Variants in CA10 observed in about 807,000 individuals in gnomAD.
CA10 encodes the protein carbonic anhydrase 10 (inactive).
In CA10, 14 loss-of-function variants were observed where a neutral mutation model predicts 44.2. The ratio of observed to expected loss-of-function variants is 0.32; its 90% CI spans 0.21 to 0.50. The LOEUF (loss-of-function observed/expected upper bound fraction) is 0.50. CA10 is among the 20% of genes least tolerant of loss of function. The probability of loss-of-function intolerance (pLI) is 0.99; values close to 1 mark genes in which losing one functional copy is unlikely to be tolerated. For missense variants in CA10, 350 were observed against 409.7 expected, an observed-to-expected ratio of 0.85 and a Z score of 1.26; for synonymous variants, 159 against 141.6, an observed-to-expected ratio of 1.12 and a Z score of -0.87.
intron 2 of CA10, among the ~76,000 whole-genome samples, chr17:52,044,866 C>A (rs936405736): frequency 6.0e-5 from 9 of 150,946 alleles, no homozygotes. Context: ...TAACTAGAAT[C>A]CCAGAAGGAA....
chr17:51,644,064 AATTCCCAATCCTCTTGGCGAGAT>A (rs1913216692), intron 6 of CA10, among the ~76,000 whole-genome samples: 1 of 152,108 alleles, frequency 6.6e-6, no homozygotes, highest in Non-Finnish European at 1.5e-5. Flanking sequence ...TAGCCTCCAA[AATTCCCAATCCTCTTGGCGAGAT>A]TCTCCCTCTT....
At chr17:51,827,497 C>A (rs1459323251) in intron 3 of CA10, among the ~76,000 whole-genome samples, 2 of 152,160 alleles carry the variant, frequency 1.3e-5, no homozygotes, top group Non-Finnish European at 2.9e-5. Context: ...AGCTTTCTTA[C>A]TTGAGGAACA....
At chr17:51,956,286 T>C (rs1983662733) in intron 2 of CA10, among the ~76,000 whole-genome samples, 2 of 152,144 alleles carry the variant, frequency 1.3e-5, no homozygotes, top group Admixed American at 1.3e-4. Flanking sequence ...TGATTTGGCA[T>C]TTATGGTTAA....
At chr17:51,985,610 C>T (rs559557705) in intron 2 of CA10, among the ~76,000 whole-genome samples, 15 of 151,936 alleles carry the variant, frequency 9.9e-5, no homozygotes, top group African/African-American at 3.6e-4. Flanking sequence ...CCTAGAAAAC[C>T]CTAAAGACTC....
At chr17:51,797,645 G>A (rs1906764992) in intron 3 of CA10, among the ~76,000 whole-genome samples, 2 of 152,040 alleles carry the variant, frequency 1.3e-5, no homozygotes, top group South Asian at 4.2e-4. Context: ...CACGAGGTCA[G>A]GATTTCGAGA....
intron 3 of CA10, among the ~76,000 whole-genome samples, chr17:51,858,659 G>T (rs1979161201): frequency 6.6e-6 from 1 of 152,174 alleles, no homozygotes; most frequent in Admixed American, 6.6e-5. Flanking sequence ...GCTAGCACAG[G>T]AAGTTATTAA....
intron 2 of CA10, among the ~76,000 whole-genome samples, chr17:52,068,093 G>A (rs898972806): frequency 6.6e-6 from 1 of 152,150 alleles, no homozygotes; most frequent in African/African-American, 2.4e-5. Flanking sequence ...GGTACGGTAG[G>A]TTTAGGCTTT....
At chr17:51,731,653 T>TAAAAAAAAAAA (rs371165542) in intron 4 of CA10, among the ~76,000 whole-genome samples, 4 of 109,188 alleles carry the variant, frequency 3.7e-5, no homozygotes, top group African/African-American at 1.4e-4. Flanking sequence ...AAGGGGCTGG[T>TAAAAAAAAAAA]AAAAAAAAAA....
At chr17:51,851,876 T>C (rs1288479514) in intron 3 of CA10, among the ~76,000 whole-genome samples, 1 of 152,254 alleles carries the variant, frequency 6.6e-6, no homozygotes, top group African/African-American at 2.4e-5. Context: ...GGTTTAGATT[T>C]CACTGAACTT....
chr17:51,678,889 C>A (rs777574787), intron 4 of CA10, among the ~76,000 whole-genome samples: 9 of 152,166 alleles, frequency 5.9e-5, no homozygotes, highest in Non-Finnish European at 1.3e-4. Context: ...CTCTCCTTCC[C>A]TAATGGATTA....
intron 2 of CA10, among the ~76,000 whole-genome samples, chr17:52,037,310 G>C (rs978618720): frequency 2.0e-5 from 3 of 152,028 alleles, no homozygotes; most frequent in Admixed American, 6.6e-5. Flanking sequence ...AAGTAGAAAA[G>C]AAGAATCATG....
At chr17:51,710,741 T>G (rs1277531494) in intron 4 of CA10, among the ~76,000 whole-genome samples, 2 of 152,052 alleles carry the variant, frequency 1.3e-5, no homozygotes, top group African/African-American at 2.4e-5. Context: ...GCTTGGAGTC[T>G]AAGTCCCCAC....
chr17:51,687,832 T>C (rs1915056757), intron 4 of CA10, among the ~76,000 whole-genome samples: 1 of 152,230 alleles, frequency 6.6e-6, no homozygotes, highest in Non-Finnish European at 1.5e-5. Context: ...CAATAAAGTT[T>C]CTAGTTTTCT....
At chr17:52,080,713 A>G in intron 1 of CA10, among the ~76,000 whole-genome samples, 1 of 151,192 alleles carries the variant, frequency 6.6e-6, no homozygotes, top group East Asian at 2.0e-4. Context: ...CCACACCTTC[A>G]CTCTGCCCTT....
chr17:51,951,092 C>A (rs987730575), intron 2 of CA10, among the ~76,000 whole-genome samples: 1 of 152,102 alleles, frequency 6.6e-6, no homozygotes, highest in African/African-American at 2.4e-5. Flanking sequence ...TAGCTTAATT[C>A]CTACATAATA....
intron 2 of CA10, among the ~76,000 whole-genome samples, chr17:52,007,534 A>AT (rs527321569): frequency 3.3e-4 from 50 of 151,484 alleles, no homozygotes; most frequent in South Asian, 6.2e-4. Flanking sequence ...ATACTGAGAG[A>AT]TTTTTATGAA....
At chr17:51,679,452 G>A (rs186876414) in intron 4 of CA10, among the ~76,000 whole-genome samples, 8 of 151,832 alleles carry the variant, frequency 5.3e-5, no homozygotes, top group East Asian at 1.9e-4. Context: ...TAGTAGAGAT[G>A]GGGTTTCACC....
intron 3 of CA10, among the ~76,000 whole-genome samples, chr17:51,880,107 C>T (rs1314462763): frequency 1.3e-5 from 2 of 152,106 alleles, no homozygotes; most frequent in African/African-American, 4.8e-5. Flanking sequence ...GCTCTAATCA[C>T]CCCAGAGCCT....
chr17:52,153,484 A>G (rs574154081), intron 1 of CA10, among the ~76,000 whole-genome samples: 26 of 152,282 alleles, frequency 1.7e-4, no homozygotes, highest in African/African-American at 6.3e-4. Flanking sequence ...CATGGTTTCC[A>G]GGTAGTTTAG....
Sources: allele counts gnomAD v4.1 joint callset (sites outside exome capture counted in the v4.1 genomes callset), GRCh38; gene constraint gnomAD v4.1.1; transcripts MANE v1.5; gene names NCBI Gene and HGNC (gene_info 2026-07-23, HGNC 2026-07-21).